Variants in TMEM182 observed in about 807,000 individuals in gnomAD.
The protein encoded by TMEM182 is transmembrane protein 182.
TMEM182 carries 20 observed loss-of-function variants against 26.8 expected under a neutral mutation model. The ratio of observed to expected loss-of-function variants is 0.75; its 90% CI spans 0.53 to 1.09. TMEM182 has a LOEUF of 1.09. Ranked by LOEUF, TMEM182 falls within the 50% of genes least tolerant of loss-of-function variation. TMEM182 has a pLI of 0.00. For synonymous variants in TMEM182, 109 were observed against 102.2 expected (o/e 1.07, Z -0.40); for missense variants, 277 against 275.5 (o/e 1.01, Z -0.04).
intron 3 of TMEM182, among the ~76,000 whole-genome samples, chr2:102,765,639 C>T (rs13387600): frequency 0.17 from 25,315 of 152,072 alleles, 2,180 homozygotes; most frequent in East Asian, 0.2. Flanking sequence ...TAATTCCATA[C>T]ATTATAATTT....
intron 2 of TMEM182, 79 bp from the exon 3 acceptor site, chr2:102,764,250 C>T: frequency 7.1e-7 from 1 of 1,401,232 alleles, no homozygotes; most frequent in South Asian, 1.2e-5. Context: ...CCCTTGTGCT[C>T]TGTATTTCTG....
At chr2:102,808,885 G>A (rs1682446244) in intron 4 of TMEM182, among the ~76,000 whole-genome samples, 1 of 152,150 alleles carries the variant, frequency 6.6e-6, no homozygotes, top group South Asian at 2.1e-4. Flanking sequence ...GGACAAAACT[G>A]AGCTATAGTG....
At chr2:102,758,242 G>A, upstream of TMEM182, 1 of 472,768 alleles carries the variant, frequency 2.1e-6, no homozygotes, top group East Asian at 3.5e-5. Context: ...AAAAGAGAGA[G>A]AAAGGGAAGA....
chr2:102,748,061 G>A lies in TMEM182; in HGVS notation c.-82-10328G>A, dbSNP rs549025668. On this transcript the variant is annotated intron_variant, in intron 1 of 5. Transcript: ENST00000409173. ...TAGAGGCCCATGCCCCTTCCATTTC[G>A]TAGCTCTCGTATCTTCAAGGTTGCC... 8.5e-5 allele frequency among the ~76,000 whole-genome samples: 13 copies of A among 152,136 alleles called. No individual in the cohort carries two copies. The South Asian group carries it at 1.2e-3, about 15-fold the overall frequency.
chr2:102,774,250 CTTT>C (rs774047240), intron 3 of TMEM182, among the ~76,000 whole-genome samples: 6 of 96,134 alleles, frequency 6.2e-5, no homozygotes, highest in Admixed American at 2.6e-4. Context: ...TTCTTTCTTT[CTTT>C]TTTTTTTTTT....
chr2:102,757,994 A>G (rs540695969), upstream of TMEM182, among the ~76,000 whole-genome samples: 23 of 152,214 alleles, frequency 1.5e-4, no homozygotes, highest in African/African-American at 4.8e-4. Flanking sequence ...CCATAATCCA[A>G]TCACCTCCCA....
upstream of TMEM182, among the ~76,000 whole-genome samples, chr2:102,758,808 T>C (rs965261438): frequency 2.0e-5 from 3 of 152,212 alleles, no homozygotes; most frequent in Non-Finnish European, 2.9e-5. Context: ...AAGTATTCTA[T>C]TTTTCTCAAT....
chr2:102,836,137 G>A (rs899690828), intron 3 of TMEM182, among the ~76,000 whole-genome samples: 1 of 152,110 alleles, frequency 6.6e-6, no homozygotes, highest in Non-Finnish European at 1.5e-5. Context: ...TCTTTGCCCC[G>A]TGAAGGATAT....
At chr2:102,763,270 CTTTT>C (rs34122642) in intron 2 of TMEM182, among the ~76,000 whole-genome samples, 1 of 152,018 alleles carries the variant, frequency 6.6e-6, no homozygotes, top group Non-Finnish European at 1.5e-5. Context: ...CTTTAAAGTT[CTTTT>C]TTAAGGTAGC....
intron 3 of TMEM182, among the ~76,000 whole-genome samples, chr2:102,790,577 C>G (rs1252198167): frequency 6.6e-6 from 1 of 152,230 alleles, no homozygotes; most frequent in Non-Finnish European, 1.5e-5. Context: ...TACAGACACA[C>G]ACACATGTTA....
chr2:102,841,551 G>A (rs939510791), intron 3 of TMEM182, among the ~76,000 whole-genome samples: 1 of 152,192 alleles, frequency 6.6e-6, no homozygotes, highest in African/African-American at 2.4e-5. Context: ...GCAATGACAC[G>A]CAGCAGCTTT....
At chr2:102,809,233 G>T (rs1207247200) in intron 4 of TMEM182, among the ~76,000 whole-genome samples, 3 of 152,198 alleles carry the variant, frequency 2.0e-5, no homozygotes, top group Non-Finnish European at 4.4e-5. Context: ...TTTTGTAGGG[G>T]TATGGTCAGT....
intron 3 of TMEM182, among the ~76,000 whole-genome samples, chr2:102,791,209 T>C (rs747606842): frequency 6.6e-6 from 1 of 152,224 alleles, no homozygotes; most frequent in Non-Finnish European, 1.5e-5. Context: ...GTGCTGGGAT[T>C]ACAGGCATGA....
intron 4 of TMEM182, among the ~76,000 whole-genome samples, chr2:102,812,384 TACACACACACACACACAC>T (rs61175945): frequency 2.2e-4 from 31 of 143,224 alleles, no homozygotes; most frequent in African/African-American, 6.8e-4. Context: ...TCTACACATG[TACACACACACACACACAC>T]ACACACACAC....
chr2:102,817,846 A>C (rs376494394), downstream of TMEM182, among the ~76,000 whole-genome samples: 76 of 126,232 alleles, frequency 6.0e-4, no homozygotes, highest in African/African-American at 2.6e-3. Context: ...TAAGCAAGTT[A>C]AAAAAAAATC....
In TMEM182 at chr2:102,762,750, T is replaced by C. The variant is rs546101131; in HGVS notation, c.232+64T>C. On this transcript the variant is annotated intron_variant, in intron 2 of 4. Coordinates refer to ENST00000412401, the MANE Select transcript of TMEM182 (RefSeq NM_144632.5). The stretch of plus-strand genomic sequence containing the variant: ...AAATAAAAATGAACAGTTTCTTACA[T>C]AGTATATGTCACTTCTAGCGGACTG... 7 of 1,371,708 alleles carry C rather than the reference T, an allele frequency of 5.1e-6. No individual in the cohort carries two copies. The Admixed American group carries it at 8.8e-5, about 17-fold the overall frequency. 85.0% of individuals were successfully genotyped at this position (1,371,708 alleles called of 1,614,324 possible).
intron 3 of TMEM182, among the ~76,000 whole-genome samples, chr2:102,780,779 G>A (rs944916142): frequency 2.0e-5 from 3 of 152,158 alleles, no homozygotes; most frequent in African/African-American, 4.8e-5. Context: ...TACACTCTCA[G>A]TTTTTGCTTG....
At chr2:102,755,955 C>T (rs558927129) in intron 1 of TMEM182, among the ~76,000 whole-genome samples, 33 of 152,300 alleles carry the variant, frequency 2.2e-4, no homozygotes, top group African/African-American at 7.5e-4. Context: ...CAGAGTGTTG[C>T]CGTTAACACT....
intron 3 of TMEM182, 139 bp from the exon 4 acceptor site, chr2:102,797,724 C>T (rs1317691067): frequency 9.8e-7 from 1 of 1,020,168 alleles, no homozygotes; most frequent in African/African-American, 1.6e-5. Flanking sequence ...TGTTCAGACC[C>T]ATCCCTGGCA....
Sources: allele counts gnomAD v4.1 joint callset (sites outside exome capture counted in the v4.1 genomes callset), GRCh38; gene constraint gnomAD v4.1.1; transcripts MANE v1.5; gene names NCBI Gene and HGNC (gene_info 2026-07-23, HGNC 2026-07-21).